Variants in TRPC5 observed in about 807,000 individuals in gnomAD.
TRPC5 encodes the protein transient receptor potential cation channel subfamily C member 5.
TRPC5 carries 9 observed loss-of-function variants against 56.5 expected under a neutral mutation model. That is an observed-to-expected ratio of 0.16 (90% CI 0.10 to 0.28). The LOEUF (loss-of-function observed/expected upper bound fraction) is 0.28, where lower values mean the gene tolerates loss of function less well. TRPC5 is among the 10% of genes least tolerant of loss of function. The pLI, the probability that TRPC5 is intolerant of heterozygous loss-of-function variation, is 1.00. For synonymous variants in TRPC5, 282 were observed against 278.5 expected (o/e 1.01, Z -0.13); for missense variants, 469 against 748.9 (o/e 0.63, Z 4.36).
chrX:111,926,332 T>C (rs1367698052), intron 2 of TRPC5, among the ~76,000 whole-genome samples: 2 of 111,777 alleles, frequency 1.8e-5, no homozygotes, highest in Non-Finnish European at 3.8e-5. Context: ...ATGTTGAGTT[T>C]GAAAAACTCT....
intron 3 of TRPC5, among the ~76,000 whole-genome samples, chrX:111,905,681 A>G (rs1469441580): frequency 2.1e-4 from 23 of 110,977 alleles, no homozygotes; most frequent in East Asian, 5.7e-4. Flanking sequence ...TTGGGAGGCC[A>G]AGGCAAGTGG....
intron 3 of TRPC5, among the ~76,000 whole-genome samples, chrX:111,874,696 C>T (rs1474764144): frequency 8.9e-6 from 1 of 112,146 alleles, no homozygotes; most frequent in Non-Finnish European, 1.9e-5. Context: ...GTTTTGAACC[C>T]AGGTCTATCT....
At chrX:111,962,015 C>G (rs1449462491) in intron 1 of TRPC5, among the ~76,000 whole-genome samples, 4 of 111,588 alleles carry the variant, frequency 3.6e-5, no homozygotes, top group African/African-American at 1.3e-4. Context: ...GTTCTCATTT[C>G]TAATTGGGAA....
intron 7 of TRPC5, among the ~76,000 whole-genome samples, chrX:111,794,392 C>T (rs760754317): frequency 6.3e-4 from 70 of 111,267 alleles, no homozygotes; most frequent in African/African-American, 2.2e-3. Flanking sequence ...ATTCCTTCCA[C>T]TTTAATTTTC....
Position 111,768,693 on chromosome X carries a change from A to G in TRPC5, c.*7620T>C, listed in dbSNP as rs1019788504. On this transcript the variant is annotated 3_prime_UTR_variant, in exon 11 of 11. Coordinates refer to ENST00000262839, the MANE Select transcript of TRPC5 (RefSeq NM_012471.3). ...ATTTGAACACTTAATTTTAAAGTTA[A>G]TTTATCGAATTGAATTTCCTTTTAC... Among the ~76,000 whole-genome samples, 1 of 111,855 alleles carries G rather than the reference A, an allele frequency of 8.9e-6. No individual in the cohort carries two copies. Among genetic ancestry groups the G allele is most frequent in the African/African-American group, 3.2e-5 (1 of 30,784 alleles).
intron 1 of TRPC5, among the ~76,000 whole-genome samples, chrX:111,980,311 T>G (rs988745703): frequency 1.8e-5 from 2 of 111,316 alleles, no homozygotes; most frequent in African/African-American, 3.3e-5. Flanking sequence ...TGGTTGCCTG[T>G]GGATGATGGG....
rs1327022901 is a variant in TRPC5, at chrX:111,902,243, A to G, written c.900+10048T>C. ...GAAAACTGATCATTTCTCTGTTTTA[A>G]TATATTCTTATTTTCTGTATATTAG... On this transcript the variant is annotated intron_variant, in intron 3 of 10. Coordinates refer to ENST00000262839, the MANE Select transcript of TRPC5 (RefSeq NM_012471.3). 8 of 787,570 alleles carry G rather than the reference A, an allele frequency of 1.0e-5. No homozygotes were observed. In the Admixed American group the frequency reaches 1.3e-4, roughly 12 times the overall value. The allele number at this position is 787,570 out of a possible 1,213,427, so 64.9% of individuals were successfully genotyped here.
chrX:111,984,440 T>C (rs112953409), intron 1 of TRPC5, among the ~76,000 whole-genome samples: 1 of 111,634 alleles, frequency 9.0e-6, no homozygotes, highest in Non-Finnish European at 1.9e-5. Flanking sequence ...AGAGGTCCAC[T>C]CAGCATTGTG....
chrX:112,039,142 C>T (rs1002491080), intron 1 of TRPC5, among the ~76,000 whole-genome samples: 2 of 111,369 alleles, frequency 1.8e-5, no homozygotes, highest in Non-Finnish European at 3.8e-5. Flanking sequence ...TGAAGGGTCA[C>T]GTTGTACAGT....
chrX:111,981,006 ACTAT>A (rs949799402), intron 1 of TRPC5, among the ~76,000 whole-genome samples: 10 of 107,753 alleles, frequency 9.3e-5, no homozygotes, highest in South Asian at 4.1e-4. Context: ...TACAGAGAAG[ACTAT>A]CTATGTGTAT....
At chrX:111,848,680 G>A (rs1375448048) in intron 5 of TRPC5, among the ~76,000 whole-genome samples, 2 of 112,482 alleles carry the variant, frequency 1.8e-5, no homozygotes, top group African/African-American at 6.4e-5. Flanking sequence ...AAAATCACTT[G>A]TGTGTATCCA....
At chrX:111,823,046 C>T (rs1305217549) in intron 7 of TRPC5, among the ~76,000 whole-genome samples, 1 of 112,127 alleles carries the variant, frequency 8.9e-6, no homozygotes, top group Non-Finnish European at 1.9e-5. Context: ...TTGTCAGTCA[C>T]CAAAATCATT....
At chrX:111,894,842 C>G (rs141342095) in intron 3 of TRPC5, among the ~76,000 whole-genome samples, 3,402 of 111,471 alleles carry the variant, frequency 0.031, 118 homozygotes, top group African/African-American at 0.11. Context: ...TAGAACATTA[C>G]CAGCACCCCA....
intron 1 of TRPC5, among the ~76,000 whole-genome samples, chrX:111,956,152 C>T (rs751481518): frequency 2.7e-5 from 3 of 112,620 alleles, no homozygotes; most frequent in East Asian, 5.6e-4. Flanking sequence ...TTGGCAAATC[C>T]CAGCCCAGAT....
intron 2 of TRPC5, among the ~76,000 whole-genome samples, chrX:111,949,081 G>A (rs1244119405): frequency 8.9e-6 from 1 of 111,912 alleles, no homozygotes; most frequent in East Asian, 2.8e-4. Flanking sequence ...AAAACATAAA[G>A]TGGGGGAAGG....
chrX:112,048,398 T>TAAAAAAAAAA (rs1288128450), intron 1 of TRPC5, among the ~76,000 whole-genome samples: 1 of 13,426 alleles, frequency 7.4e-5, no homozygotes, highest in Non-Finnish European at 1.1e-4. Flanking sequence ...AGACTCCGTA[T>TAAAAAAAAAA]CAAAAAAAAA....
At chrX:111,911,904 A>G (rs994244494) in intron 3 of TRPC5, among the ~76,000 whole-genome samples, 5 of 112,018 alleles carry the variant, frequency 4.5e-5, no homozygotes, top group African/African-American at 1.6e-4. Context: ...CTCACAGAGC[A>G]CTGTTCTTTC....
At chrX:111,785,256 C>T (rs758183944) in intron 7 of TRPC5, among the ~76,000 whole-genome samples, 1 of 112,078 alleles carries the variant, frequency 8.9e-6, no homozygotes, top group South Asian at 3.7e-4. Context: ...CCACTGGGGA[C>T]ACGCAGGTAA....
chrX:111,805,700 G>T (rs1213406213), intron 7 of TRPC5, among the ~76,000 whole-genome samples: 4 of 110,995 alleles, frequency 3.6e-5, no homozygotes, highest in Non-Finnish European at 5.7e-5. Context: ...TTGAGATAGG[G>T]TATCACTCTG....
Sources: allele counts gnomAD v4.1 joint callset (sites outside exome capture counted in the v4.1 genomes callset), GRCh38; gene constraint gnomAD v4.1.1; transcripts MANE v1.5; gene names NCBI Gene and HGNC (gene_info 2026-07-23, HGNC 2026-07-21).